The following CNR2 variants were observed in gnomAD, a reference collection of about 807,000 sequenced individuals.
CNR2 encodes the protein cannabinoid receptor 2.
For synonymous variants in CNR2, 172 were observed against 182.2 expected, an observed-to-expected ratio of 0.94 and a Z score of 0.45; for missense variants, 379 against 439.9, an observed-to-expected ratio of 0.86 and a Z score of 1.24.
intron 1 of CNR2, among the ~76,000 whole-genome samples, chr1:23,882,798 C>T (rs1395940812): frequency 2.6e-5 from 4 of 152,016 alleles, no homozygotes; most frequent in East Asian, 3.9e-4. Flanking sequence ...CCAGCCTGGA[C>T]AACAGAGCGA....
Position 23,874,621 on chromosome 1 carries a change from G to A in CNR2, c.997C>T (p.Pro333Ser). The A allele has an allele frequency of 6.2e-7, 1 of 1,614,046 alleles. No homozygotes were observed. The highest frequency in any genetic ancestry group is 8.5e-7 in the Non-Finnish European group (1 of 1,180,008). The stretch of plus-strand genomic sequence containing the variant: ...TCTGTCTCGGTGACTGAGGATCTCG[G>A]GGCTTCTTCTTTTGCCTCTGACCCA... ...GLGSEAKEEAPRSSVTETEAD... is the reference protein window; with the variant it reads ...GLGSEAKEEASRSSVTETEAD... The change falls in exon 2 of 2, where the codon CCG becomes TCG. Residue 333 changes from proline (P) to serine (S), a missense_variant. Coordinates refer to ENST00000374472, the MANE Select transcript of CNR2 (RefSeq NM_001841.3).
intron 1 of CNR2, among the ~76,000 whole-genome samples, chr1:23,880,725 A>G (rs1381992003): frequency 2.0e-5 from 3 of 151,340 alleles, no homozygotes; most frequent in African/African-American, 7.3e-5. Flanking sequence ...GCCACCAGGC[A>G]TGGCTTTTTT....
chr1:23,906,286 C>T (rs1269022213), intron 1 of CNR2, among the ~76,000 whole-genome samples: 1 of 151,964 alleles, frequency 6.6e-6, no homozygotes, highest in Non-Finnish European at 1.5e-5. Flanking sequence ...TCCTTGAGCC[C>T]CACTGTCCTT....
intron 1 of CNR2, chr1:23,902,118 C>T (rs1640410457): frequency 1.4e-6 from 2 of 1,462,932 alleles, no homozygotes; most frequent in Admixed American, 1.7e-5. Flanking sequence ...CCAAAACATG[C>T]CTCTTGTTTC....
At chr1:23,902,068 A>G in intron 1 of CNR2, 1 of 1,542,082 alleles carries the variant, frequency 6.5e-7, no homozygotes, top group South Asian at 1.1e-5. Context: ...AAACTCCTCT[A>G]GGGTCATGGT....
chr1:23,902,679 T>C, intron 1 of CNR2: 1 of 1,594,416 alleles, frequency 6.3e-7, no homozygotes, highest in Non-Finnish European at 8.5e-7. Context: ...CACGACAAAG[T>C]GCACGTCGGC....
At chr1:23,900,507 T>TG (rs199565123) in intron 1 of CNR2, among the ~76,000 whole-genome samples, 1,188 of 3,800 alleles carry the variant, frequency 0.31, 12 homozygotes, top group Middle Eastern at 0.5. Flanking sequence ...CTGATCTCTT[T>TG]TTTTTTTTTT....
chr1:23,896,500 G>A (rs780037918), intron 1 of CNR2, among the ~76,000 whole-genome samples: 3 of 152,204 alleles, frequency 2.0e-5, no homozygotes, highest in Admixed American at 6.5e-5. Context: ...TTATATAGAT[G>A]CTATATATGT....
intron 1 of CNR2, among the ~76,000 whole-genome samples, chr1:23,886,770 A>C (rs1047469811): frequency 3.3e-5 from 5 of 152,262 alleles, no homozygotes; most frequent in Non-Finnish European, 7.3e-5. Flanking sequence ...AAGGTCACCC[A>C]ACATATGAGC....
chr1:23,909,873 A>T (rs1640555336), intron 1 of CNR2, among the ~76,000 whole-genome samples: 2 of 151,886 alleles, frequency 1.3e-5, no homozygotes, highest in African/African-American at 4.8e-5. Flanking sequence ...TTCCCACCAC[A>T]ATATGGCTTG....
chr1:23,884,841 C>T (rs1640060166), intron 1 of CNR2, among the ~76,000 whole-genome samples: 1 of 151,426 alleles, frequency 6.6e-6, no homozygotes, highest in Non-Finnish European at 1.5e-5. Flanking sequence ...CACTCTGTCG[C>T]CCAGGCTGGA....
rs747658837 is a variant in CNR2 at position 23,874,893 on chromosome 1, C to A, written c.725G>T (p.Arg242Met). The change falls in exon 2 of 2, where the codon AGG becomes ATG. Residue 242 changes from arginine to methionine, a missense_variant. By Grantham distance (91) the Arg-to-Met change is moderately conservative. Coordinates refer to ENST00000374472, the MANE Select transcript of CNR2 (RefSeq NM_001841.3). Reference protein sequence around the residue: ...PGMARMRLDVRLAKTLGLVLA... With the variant: ...PGMARMRLDVMLAKTLGLVLA... ...CACTAGCCCTAGGGTCTTGGCCAAC[C>A]TCACATCCAGCCTCATTCGGGCCAT... 6.2e-7 allele frequency: 1 copy of A among 1,614,114 alleles called. No homozygotes were observed.
intron 1 of CNR2, among the ~76,000 whole-genome samples, chr1:23,892,983 T>C (rs1640214082): frequency 6.6e-6 from 1 of 152,170 alleles, no homozygotes; most frequent in South Asian, 2.1e-4. Context: ...ACCATTGCAC[T>C]TCAGCCTGGG....
At chr1:23,908,201 G>A (rs954665665) in intron 1 of CNR2, among the ~76,000 whole-genome samples, 1 of 151,996 alleles carries the variant, frequency 6.6e-6, no homozygotes, top group Non-Finnish European at 1.5e-5. Flanking sequence ...GCATGGTCTC[G>A]ATATCCTGAC....
chr1:23,898,239 A>G (rs1478184706), intron 1 of CNR2, among the ~76,000 whole-genome samples: 21 of 150,552 alleles, frequency 1.4e-4, no homozygotes, highest in South Asian at 4.2e-4. Flanking sequence ...GGGTTTCACC[A>G]TGTTAGCCAG....
intron 1 of CNR2, among the ~76,000 whole-genome samples, chr1:23,876,706 G>A (rs915613348): frequency 6.6e-6 from 1 of 151,804 alleles, no homozygotes; most frequent in African/African-American, 2.4e-5. Context: ...GTGATGGCAC[G>A]TGCCTGTAGT....
chr1:23,911,154 G>A (rs1336508221), intron 1 of CNR2, among the ~76,000 whole-genome samples: 3 of 119,290 alleles, frequency 2.5e-5, no homozygotes, highest in Non-Finnish European at 5.0e-5. Context: ...GTTAGGTCAC[G>A]TGGGTGGGGG....
At chr1:23,891,266 C>G (rs371926959) in intron 1 of CNR2, among the ~76,000 whole-genome samples, 17 of 139,974 alleles carry the variant, frequency 1.2e-4, no homozygotes, top group African/African-American at 4.4e-4. Context: ...GGTTTTTTGA[C>G]CAAATCTTTT....
chr1:23,894,412 ACT>A (rs1188536123), intron 1 of CNR2, among the ~76,000 whole-genome samples: 1 of 133,486 alleles, frequency 7.5e-6, no homozygotes, highest in East Asian at 2.1e-4. Flanking sequence ...CAAAAGTGAA[ACT>A]CTGTCTCAAA....
Sources: gnomAD v4.1 joint callset for allele counts (sites outside exome capture counted in the v4.1 genomes callset) on GRCh38, gnomAD v4.1.1 for gene constraint, MANE v1.5 for transcripts, NCBI Gene and HGNC (gene_info 2026-07-23, HGNC 2026-07-21) for gene names.